The following DLGAP2 variants were observed in gnomAD, a reference collection of about 807,000 sequenced individuals.
DLGAP2 encodes the protein disks large-associated protein 2.
A neutral mutation model predicts 100.3 loss-of-function variants in DLGAP2; 26 were observed. The ratio of observed to expected loss-of-function variants is 0.26; its 90% CI spans 0.19 to 0.36. The LOEUF (loss-of-function observed/expected upper bound fraction) is 0.36. Ranked by LOEUF, DLGAP2 falls within the 10% of genes least tolerant of loss-of-function variation. The probability of loss-of-function intolerance (pLI) is 1.00; values close to 1 mark genes in which losing one functional copy is unlikely to be tolerated. For missense variants in DLGAP2, 1,858 were observed against 1,453.2 expected (o/e 1.28, Z -4.53); for synonymous variants, 886 against 630.1 (o/e 1.41, Z -6.08).
At chr8:1,028,924 C>T (rs1268974534) in intron 2 of DLGAP2, among the ~76,000 whole-genome samples, 4 of 152,092 alleles carry the variant, frequency 2.6e-5, no homozygotes, top group Admixed American at 6.5e-5. Flanking sequence ...GACGGCCTGA[C>T]CGAGGGGCAG....
At chr8:1,567,061 G>C (rs1372247360) in intron 6 of DLGAP2, among the ~76,000 whole-genome samples, 2 of 152,176 alleles carry the variant, frequency 1.3e-5, no homozygotes, top group Non-Finnish European at 2.9e-5. Flanking sequence ...TGTTGCCCTG[G>C]GGAAGCTCTT....
intron 3 of DLGAP2, among the ~76,000 whole-genome samples, chr8:1,440,358 A>C (rs1167911894): frequency 6.6e-6 from 1 of 152,194 alleles, no homozygotes; most frequent in African/African-American, 2.4e-5. Flanking sequence ...TTATACATTG[A>C]ATTTTGCGTT....
intron 6 of DLGAP2, among the ~76,000 whole-genome samples, chr8:1,606,008 C>A (rs774143137): frequency 2.0e-5 from 3 of 152,206 alleles, no homozygotes; most frequent in Non-Finnish European, 2.9e-5. Flanking sequence ...CGCAGAGAAT[C>A]ATAACCAGCA....
chr8:1,694,935 A>G (rs899257124), intron 13 of DLGAP2, among the ~76,000 whole-genome samples: 1 of 152,192 alleles, frequency 6.6e-6, no homozygotes, highest in African/African-American at 2.4e-5. Flanking sequence ...CAACCAAAAG[A>G]GAACAGAAGA....
chr8:1,462,854 T>C (rs1313652814), intron 3 of DLGAP2, among the ~76,000 whole-genome samples: 1 of 152,264 alleles, frequency 6.6e-6, no homozygotes, highest in African/African-American at 2.4e-5. Flanking sequence ...GGATCTATTT[T>C]ATCTGAAACG....
chr8:1,027,413 C>T lies in DLGAP2; in HGVS notation c.73+119447C>T, dbSNP rs181272847. Among the ~76,000 whole-genome samples the T allele has an allele frequency of 6.1e-3, 679 of 111,760 alleles. 4 individuals carry two copies. The highest frequency in any genetic ancestry group is 0.021 in the Middle Eastern group (3 of 142). 73.3% of individuals were successfully genotyped at this position (111,760 alleles called of 152,430 possible). A position where few individuals can be genotyped will look rare whatever the true frequency, so the allele number is the denominator to read the frequency against. On this transcript the variant is annotated intron_variant, in intron 2 of 14. Coordinates refer to ENST00000637795, the MANE Select transcript of DLGAP2 (RefSeq NM_001346810.2). ...CCCGTTATTCTCCAGGTGGGGTGCT[C>T]GGTGCCTGTTATTCTCCAGGTGCGG...
intron 2 of DLGAP2, among the ~76,000 whole-genome samples, chr8:1,160,133 T>C (rs1478626300): frequency 6.6e-6 from 1 of 152,198 alleles, no homozygotes; most frequent in Non-Finnish European, 1.5e-5. Context: ...TCGGAATTGC[T>C]CTGAATCGCT....
chr8:1,594,924 G>C (rs2956937), intron 6 of DLGAP2, among the ~76,000 whole-genome samples: 111,997 of 152,090 alleles, frequency 0.74, 41,526 homozygotes, highest in East Asian at 0.92. Flanking sequence ...GCCACTCACT[G>C]GGGTCTCCAG....
chr8:1,603,694 C>T (rs1318724454), intron 6 of DLGAP2, among the ~76,000 whole-genome samples: 1 of 151,674 alleles, frequency 6.6e-6, no homozygotes, highest in Non-Finnish European at 1.5e-5. Flanking sequence ...ACATCTCCTC[C>T]ACACTGTGAT....
chr8:1,698,352 G>C (rs776037896), intron 14 of DLGAP2, among the ~76,000 whole-genome samples: 43 of 151,986 alleles, frequency 2.8e-4, no homozygotes, highest in South Asian at 6.2e-4. Context: ...GACTAGGCAG[G>C]TCCACGTAAG....
chr8:1,538,075 C>A (rs1433142149), intron 4 of DLGAP2, among the ~76,000 whole-genome samples: 1 of 152,164 alleles, frequency 6.6e-6, no homozygotes, highest in Non-Finnish European at 1.5e-5. Context: ...GCCTGGGGCA[C>A]CTGCAGGGCT....
At chr8:1,341,192 A>T (rs1235137215) in intron 3 of DLGAP2, among the ~76,000 whole-genome samples, 2 of 152,210 alleles carry the variant, frequency 1.3e-5, no homozygotes, top group African/African-American at 4.8e-5. Flanking sequence ...ACACAAGTTT[A>T]CCTATGAAAG....
intron 2 of DLGAP2, among the ~76,000 whole-genome samples, chr8:952,558 G>A (rs960509858): frequency 6.6e-6 from 1 of 152,096 alleles, no homozygotes; most frequent in Non-Finnish European, 1.5e-5. Flanking sequence ...AATCATTTGA[G>A]CCAGGGAGAT....
At chr8:1,435,082 C>T (rs75770779) in intron 3 of DLGAP2, among the ~76,000 whole-genome samples, 1 of 152,198 alleles carries the variant, frequency 6.6e-6, no homozygotes, top group African/African-American at 2.4e-5. Flanking sequence ...CTCCTGGAAG[C>T]TTAGGGACCC....
intron 2 of DLGAP2, among the ~76,000 whole-genome samples, chr8:1,244,953 G>C (rs1034684012): frequency 2.0e-5 from 3 of 152,210 alleles, no homozygotes; most frequent in African/African-American, 7.2e-5. Flanking sequence ...GATGGGCAGA[G>C]GGCATGAACA....
At chr8:1,288,678 A>AGT (rs1163735040) in intron 3 of DLGAP2, among the ~76,000 whole-genome samples, 26,071 of 118,308 alleles carry the variant, frequency 0.22, 2,631 homozygotes, top group Middle Eastern at 0.31. Flanking sequence ...GTTTCGGTTC[A>AGT]GTGTGTGTGT....
At chr8:1,691,507 TTTTTG>T in intron 12 of DLGAP2, 23 bp from the exon 13 acceptor site, 1 of 1,593,108 alleles carries the variant, frequency 6.3e-7, no homozygotes. Context: ...AGTTGTTGTT[TTTTTG>T]TTTTTGTTTT....
chr8:938,644 C>A (rs1181964336), intron 2 of DLGAP2, among the ~76,000 whole-genome samples: 2 of 152,198 alleles, frequency 1.3e-5, no homozygotes, highest in African/African-American at 4.8e-5. Flanking sequence ...GCCTCCTGCT[C>A]AGAAGCCAGA....
chr8:824,480 A>G (rs776413923), intron 1 of DLGAP2, among the ~76,000 whole-genome samples: 8 of 152,120 alleles, frequency 5.3e-5, no homozygotes, highest in Non-Finnish European at 8.8e-5. Context: ...CTTTTCCTAT[A>G]TAAATATCTG....
Sources: gnomAD v4.1 joint callset for allele counts (sites outside exome capture counted in the v4.1 genomes callset) on GRCh38, gnomAD v4.1.1 for gene constraint, MANE v1.5 for transcripts, NCBI Gene and HGNC (gene_info 2026-07-23, HGNC 2026-07-21) for gene names.